Variants in ESRRB observed in about 807,000 individuals in gnomAD.
The protein encoded by ESRRB is steroid hormone receptor ERR2.
In ESRRB, 16 loss-of-function variants were observed where a neutral mutation model predicts 46.0. The observed-to-expected ratio is 0.35, with a 90% confidence interval of 0.24 to 0.53. ESRRB has a LOEUF of 0.53. Ranked by LOEUF, ESRRB falls within the 20% of genes least tolerant of loss-of-function variation. The pLI is 0.93. For missense variants in ESRRB, 488 were observed against 607.4 expected, an observed-to-expected ratio of 0.80 and a Z score of 2.07; for synonymous variants, 246 against 259.6, an observed-to-expected ratio of 0.95 and a Z score of 0.50.
At chr14:76,323,306 CTTTT>C (rs57281578) in intron 1 of ESRRB, among the ~76,000 whole-genome samples, 1 of 138,334 alleles carries the variant, frequency 7.2e-6, no homozygotes. Flanking sequence ...CTCTCTTTCT[CTTTT>C]TTTTTTTTTT....
upstream of ESRRB, among the ~76,000 whole-genome samples, chr14:76,369,848 T>C (rs1884578094): frequency 6.6e-6 from 1 of 152,206 alleles, no homozygotes; most frequent in African/African-American, 2.4e-5. Context: ...GCTTTAGAAT[T>C]AATTTTCCGA....
In ESRRB at chr14:76,482,447, C is replaced by A; in HGVS notation, c.689-151C>A. The A allele has an allele frequency of 4.0e-6, 3 of 756,544 alleles. No homozygotes were observed. In the South Asian group the frequency reaches 5.2e-5, roughly 13 times the overall value. 46.9% of individuals were successfully genotyped at this position (756,544 alleles called of 1,614,324 possible). ...CCCAGATCACCACTACCAGCAACTTCATGGAGCCAGAACAGGAGGGGAGAT... is the reference window on the plus strand; with the variant it reads ...CCCAGATCACCACTACCAGCAACTTAATGGAGCCAGAACAGGAGGGGAGAT... On this transcript the variant is annotated intron_variant, in intron 4 of 6. Transcript: ENST00000644823. The surrounding 1 kb of genome is among the most constrained non-coding windows in gnomAD (Gnocchi z 4.3).
At chr14:76,436,505 G>C (rs1887680386) in intron 1 of ESRRB, among the ~76,000 whole-genome samples, 1 of 152,142 alleles carries the variant, frequency 6.6e-6, no homozygotes, top group African/African-American at 2.4e-5. Context: ...TTTTCACAGT[G>C]CCCTAGGGTC....
chr14:76,349,233 C>T (rs1359387304), intron 1 of ESRRB, among the ~76,000 whole-genome samples: 1 of 152,148 alleles, frequency 6.6e-6, no homozygotes, highest in Non-Finnish European at 1.5e-5. Context: ...CAGCTCCCAT[C>T]AGGAATGGGG....
chr14:76,366,005 A>T (rs571998993), intron 1 of ESRRB, among the ~76,000 whole-genome samples: 1 of 152,342 alleles, frequency 6.6e-6, no homozygotes, highest in Admixed American at 6.5e-5. Context: ...CTCAAGAGCC[A>T]TTCCTGCCTC....
intron 1 of ESRRB, among the ~76,000 whole-genome samples, chr14:76,428,455 G>A (rs773186333): frequency 2.0e-5 from 3 of 152,130 alleles, no homozygotes; most frequent in Non-Finnish European, 4.4e-5. Context: ...CTGAATTTTC[G>A]ATGTCCTTCC....
At chr14:76,405,394 G>T (rs1402939722) in intron 1 of ESRRB, among the ~76,000 whole-genome samples, 1 of 152,156 alleles carries the variant, frequency 6.6e-6, no homozygotes, top group Non-Finnish European at 1.5e-5. Context: ...TTACAGGTGT[G>T]AGCCACTGTG....
chr14:76,422,176 G>C (rs1214439502), intron 1 of ESRRB, among the ~76,000 whole-genome samples: 1 of 149,524 alleles, frequency 6.7e-6, no homozygotes, highest in Non-Finnish European at 1.5e-5. Flanking sequence ...ATGTGGGCAC[G>C]CACACGCACA....
intron 3 of ESRRB, among the ~76,000 whole-genome samples, chr14:76,475,924 G>C (rs760697940): frequency 5.9e-5 from 9 of 152,170 alleles, no homozygotes; most frequent in Non-Finnish European, 8.8e-5. Context: ...AATACAGAGA[G>C]ATGCCATGCA....
intron 2 of ESRRB, among the ~76,000 whole-genome samples, chr14:76,458,483 T>C (rs67656282): frequency 0.3 from 25,823 of 85,300 alleles, 4,607 homozygotes; most frequent in African/African-American, 0.61. Flanking sequence ...CACACACACA[T>C]GCATGCAGGC....
intron 1 of ESRRB, among the ~76,000 whole-genome samples, chr14:76,323,891 C>A (rs1011330044): frequency 1.3e-5 from 2 of 152,176 alleles, no homozygotes; most frequent in East Asian, 1.9e-4. Flanking sequence ...CCAGAGTGGG[C>A]GAGTCTGCTG....
intron 2 of ESRRB, among the ~76,000 whole-genome samples, chr14:76,450,783 A>G (rs952903194): frequency 1.3e-5 from 2 of 152,114 alleles, no homozygotes; most frequent in African/African-American, 4.8e-5. Context: ...AGAGCAGGAG[A>G]GGGCAGGAGT....
intron 1 of ESRRB, among the ~76,000 whole-genome samples, chr14:76,407,940 C>T (rs748483671): frequency 6.2e-4 from 94 of 152,226 alleles, no homozygotes; most frequent in Non-Finnish European, 1.2e-3. Flanking sequence ...ACTGTTGACA[C>T]GGGACTGCCG....
chr14:76,374,892 G>A (rs966713220), upstream of ESRRB, among the ~76,000 whole-genome samples: 1 of 152,086 alleles, frequency 6.6e-6, no homozygotes, highest in South Asian at 2.1e-4. Flanking sequence ...ATTTATCCAA[G>A]TCAAAAATCA....
chr14:76,398,901 T>C lies in ESRRB; in HGVS notation c.50+22450T>C, dbSNP rs560904207. 4.6e-4 allele frequency among the ~76,000 whole-genome samples: 70 copies of C among 152,294 alleles called. 1 individual carries two copies. In the Middle Eastern group the frequency reaches 0.014, roughly 30 times the overall value. On this transcript the variant is annotated intron_variant, in intron 1 of 6. Transcript: ENST00000644823. ...CAACTCACCACCACCATCCTGCATTTGATTCGGTTCAGCCTCTCTGTCTGC... is the reference window on the plus strand; with the variant it reads ...CAACTCACCACCACCATCCTGCATTCGATTCGGTTCAGCCTCTCTGTCTGC...
At chr14:76,335,258 G>T (rs1389034240) in intron 1 of ESRRB, among the ~76,000 whole-genome samples, 1 of 152,120 alleles carries the variant, frequency 6.6e-6, no homozygotes, top group Non-Finnish European at 1.5e-5. Flanking sequence ...CCACTGCCTT[G>T]GCACCTCTGC....
At chr14:76,419,596 T>G (rs867043278) in intron 1 of ESRRB, among the ~76,000 whole-genome samples, 35 of 152,284 alleles carry the variant, frequency 2.3e-4, no homozygotes, top group African/African-American at 8.4e-4. Flanking sequence ...AGACATTCAC[T>G]TCCTCTCACA....
At chr14:76,393,438 T>C (rs778611010) in intron 1 of ESRRB, among the ~76,000 whole-genome samples, 1 of 152,222 alleles carries the variant, frequency 6.6e-6, no homozygotes, top group Non-Finnish European at 1.5e-5. Context: ...TAGTTACATA[T>C]GGTCAGGCAA....
upstream of ESRRB, among the ~76,000 whole-genome samples, chr14:76,375,218 CA>C (rs1188635496): frequency 6.6e-6 from 1 of 151,878 alleles, no homozygotes; most frequent in Non-Finnish European, 1.5e-5. Context: ...TGGTGCATCT[CA>C]AAAGATGAAA....
Sources: gnomAD v4.1 joint callset for allele counts (sites outside exome capture counted in the v4.1 genomes callset) on GRCh38, gnomAD v4.1.1 for gene constraint, Gnocchi (gnomAD v3.1) non-coding constraint, MANE v1.5 for transcripts, NCBI Gene and HGNC (gene_info 2026-07-23, HGNC 2026-07-21) for gene names.